Variants in SKAP1 observed in about 807,000 individuals in gnomAD.
SKAP1 encodes the protein src kinase associated phosphoprotein 1, also known as src kinase-associated phosphoprotein 1.
SKAP1 carries 44 observed loss-of-function variants against 58.5 expected under a neutral mutation model. The ratio of observed to expected loss-of-function variants is 0.75; its 90% CI spans 0.59 to 0.97. SKAP1 has a LOEUF of 0.97. Ranked by LOEUF, SKAP1 falls within the 50% of genes least tolerant of loss-of-function variation. SKAP1 has a pLI of 0.00. For synonymous variants in SKAP1, 127 were observed against 149.7 expected (o/e 0.85, Z 1.11); for missense variants, 390 against 435.2 (o/e 0.90, Z 0.92).
intron 11 of SKAP1, among the ~76,000 whole-genome samples, chr17:48,142,385 C>T (rs936868332): frequency 6.6e-6 from 1 of 152,118 alleles, no homozygotes; most frequent in Non-Finnish European, 1.5e-5. Flanking sequence ...TTGCTTGAAC[C>T]CGGGAGGCGG....
chr17:48,134,532 G>T (rs1402972013), intron 12 of SKAP1, among the ~76,000 whole-genome samples: 1 of 151,822 alleles, frequency 6.6e-6, no homozygotes, highest in African/African-American at 2.4e-5. Context: ...TGGTCAGGCT[G>T]GTCTCGAACT....
At chr17:48,158,268 C>T (rs778167169) in intron 11 of SKAP1, among the ~76,000 whole-genome samples, 7 of 151,438 alleles carry the variant, frequency 4.6e-5, no homozygotes, top group Non-Finnish European at 1.0e-4. Flanking sequence ...TCCTCTGGGC[C>T]GGTTGCGCTG....
At chr17:48,322,564 T>C (rs1026756357) in intron 4 of SKAP1, among the ~76,000 whole-genome samples, 11 of 152,232 alleles carry the variant, frequency 7.2e-5, no homozygotes, top group Admixed American at 3.3e-4. Flanking sequence ...GCTGTATCTA[T>C]AGGCGGCAAG....
chr17:48,170,712 C>CTTTT, intron 9 of SKAP1, 53 bp from the exon 10 acceptor site: 14 of 1,103,604 alleles, frequency 1.3e-5, no homozygotes, highest in South Asian at 6.1e-5. Flanking sequence ...GTCTCATGTT[C>CTTTT]TTTTTTTTTT....
chr17:48,191,514 G>T (rs1021971493), intron 4 of SKAP1, among the ~76,000 whole-genome samples: 5 of 152,100 alleles, frequency 3.3e-5, no homozygotes, highest in Admixed American at 6.5e-5. Flanking sequence ...ATTGTTTTTT[G>T]AACATTTCCT....
At chr17:48,154,197 G>C (rs1432186675) in intron 11 of SKAP1, among the ~76,000 whole-genome samples, 1 of 152,196 alleles carries the variant, frequency 6.6e-6, no homozygotes, top group African/African-American at 2.4e-5. Context: ...GCTGGCGCAG[G>C]CCTGCCGCAT....
chr17:48,289,652 A>C (rs1252077112), intron 4 of SKAP1, among the ~76,000 whole-genome samples: 2 of 152,124 alleles, frequency 1.3e-5, no homozygotes, highest in Admixed American at 6.5e-5. Context: ...TTACAGAAAA[A>C]AATGAAAATA....
rs577322097 is a variant in SKAP1 at position 48,256,211 on chromosome 17, T to C, written c.281-66711A>G. Among the ~76,000 whole-genome samples, 340 of 151,868 alleles carry C rather than the reference T, an allele frequency of 2.2e-3. 2 individuals carry two copies. Among genetic ancestry groups the C allele is most frequent in the African/African-American group, 7.9e-3 (328 of 41,410 alleles). On this transcript the variant is annotated intron_variant, in intron 4 of 12. Coordinates refer to ENST00000336915, the MANE Select transcript of SKAP1 (RefSeq NM_003726.4). ...TGTGTGTGTGTGAGGAGTTCACACA[T>C]AGAACTAGGGCAAAAAGGTCCAGAG...
chr17:48,193,706 A>T, intron 4 of SKAP1: 1 of 984,986 alleles, frequency 1.0e-6, no homozygotes, highest in Non-Finnish European at 1.2e-6. Context: ...AGTGATCCTG[A>T]GGATGAACAG....
intron 4 of SKAP1, among the ~76,000 whole-genome samples, chr17:48,243,259 T>G (rs764272599): frequency 3.3e-5 from 5 of 152,130 alleles, no homozygotes; most frequent in Non-Finnish European, 1.5e-5. Flanking sequence ...CCCTGCCCTT[T>G]CAAATTCCCT....
At chr17:48,363,680 G>T in intron 3 of SKAP1, 109 bp downstream of exon 3, 1 of 945,370 alleles carries the variant, frequency 1.1e-6, no homozygotes, top group Non-Finnish European at 1.6e-6. Context: ...ACTTTCCTTG[G>T]AAATGGTTAA....
At chr17:48,193,117 C>T (rs753350307) in intron 4 of SKAP1, among the ~76,000 whole-genome samples, 10 of 152,206 alleles carry the variant, frequency 6.6e-5, no homozygotes, top group Non-Finnish European at 1.3e-4. Flanking sequence ...TCTCAGCTCA[C>T]TGCAACCTCC....
chr17:48,219,950 C>T (rs1006438528), intron 4 of SKAP1, among the ~76,000 whole-genome samples: 19 of 152,186 alleles, frequency 1.2e-4, no homozygotes, highest in Non-Finnish European at 2.8e-4. Flanking sequence ...AGGATATTTT[C>T]AGAGACCTAA....
At chr17:48,406,651 C>T (rs999209572) in intron 1 of SKAP1, among the ~76,000 whole-genome samples, 5 of 151,606 alleles carry the variant, frequency 3.3e-5, no homozygotes, top group South Asian at 2.1e-4. Flanking sequence ...CTGCAACCTC[C>T]GCCTCCCAGG....
intron 4 of SKAP1, among the ~76,000 whole-genome samples, chr17:48,244,071 A>G (rs1384911661): frequency 6.6e-6 from 1 of 152,232 alleles, no homozygotes; most frequent in Non-Finnish European, 1.5e-5. Context: ...AGCTACACTA[A>G]TTCTACTTAT....
At position 48,345,940 on chromosome 17, in the gene SKAP1, G is replaced by A. The variant is rs757237792; in HGVS notation, c.245C>T (p.Ser82Phe). The A allele has an allele frequency of 2.5e-6, 4 of 1,613,710 alleles. No individual in the cohort carries two copies. The highest frequency in any genetic ancestry group is 1.7e-5 in the Admixed American group (1 of 60,004). The part of the protein sequence containing the change: ...HSGTLGLSLT[S>F]DAPFLSDYQD... ...ATAATCTGACAAAAAGGGTGCATCGGATGTGAGGGACAGGCCAAGAGTCCC... is the reference window on the plus strand; with the variant it reads ...ATAATCTGACAAAAAGGGTGCATCGAATGTGAGGGACAGGCCAAGAGTCCC... The change falls in exon 4 of 13, where the codon TCC becomes TTC. Residue 82 changes from serine to phenylalanine, a missense_variant. Transcript: ENST00000336915.
chr17:48,186,422 A>C (rs916217285), intron 6 of SKAP1, among the ~76,000 whole-genome samples: 1 of 152,150 alleles, frequency 6.6e-6, no homozygotes, highest in African/African-American at 2.4e-5. Flanking sequence ...GGCAAATCTT[A>C]AGGATTTCAA....
At chr17:48,392,872 TA>T (rs1395530243) in intron 2 of SKAP1, among the ~76,000 whole-genome samples, 1 of 148,550 alleles carries the variant, frequency 6.7e-6, no homozygotes, top group Non-Finnish European at 1.5e-5. Flanking sequence ...AATATATATA[TA>T]TATATTTTTT....
chr17:48,340,010 G>A (rs933472100), intron 4 of SKAP1, among the ~76,000 whole-genome samples: 19 of 152,066 alleles, frequency 1.2e-4, no homozygotes, highest in African/African-American at 4.3e-4. Context: ...ATGAAACCCT[G>A]TCTTTACTGA....
Sources: allele counts gnomAD v4.1 joint callset (sites outside exome capture counted in the v4.1 genomes callset), GRCh38; gene constraint gnomAD v4.1.1; transcripts MANE v1.5; gene names NCBI Gene and HGNC (gene_info 2026-07-23, HGNC 2026-07-21).